Variants in FAM199X observed in about 807,000 individuals in gnomAD.
The protein encoded by FAM199X is protein FAM199X.
Under a neutral mutation model 22.9 loss-of-function variants are expected in FAM199X, and 4 were observed. The ratio of observed to expected loss-of-function variants is 0.17; its 90% CI spans 0.09 to 0.40. The LOEUF (loss-of-function observed/expected upper bound fraction) is 0.40. FAM199X is among the 10% of genes least tolerant of loss of function. The probability of loss-of-function intolerance (pLI) is 1.00; values close to 1 mark genes in which losing one functional copy is unlikely to be tolerated. For synonymous variants in FAM199X, 101 were observed against 112.3 expected, an observed-to-expected ratio of 0.90 and a Z score of 0.64; for missense variants, 183 against 306.8, an observed-to-expected ratio of 0.60 and a Z score of 3.01.
In FAM199X at chrX:104,179,123, G is replaced by A. The variant is rs143333203; in HGVS notation, c.417+3281G>A. ...CTAGTCTGGGCAACAGAGCTATTTGGGGTCCTTGCAATTCCATATGAATTT... is the reference window on the plus strand; with the variant it reads ...CTAGTCTGGGCAACAGAGCTATTTGAGGTCCTTGCAATTCCATATGAATTT... On this transcript the variant is annotated intron_variant, in intron 2 of 5. Coordinates refer to ENST00000493442, the MANE Select transcript of FAM199X (RefSeq NM_207318.4). Among the ~76,000 whole-genome samples, 1,081 of 111,692 alleles carry A rather than the reference G, an allele frequency of 9.7e-3. 12 individuals carry two copies. Among genetic ancestry groups the A allele is most frequent in the African/African-American group, 0.033 (1,025 of 30,740 alleles).
chrX:104,179,049 G>C (rs781873303), intron 2 of FAM199X, among the ~76,000 whole-genome samples: 1 of 111,916 alleles, frequency 8.9e-6, no homozygotes, highest in East Asian at 2.8e-4. Flanking sequence ...AAGATCGCTT[G>C]AGCCCTGAAG....
In FAM199X at chrX:104,194,340, A is replaced by G. The variant is rs1208379884; in HGVS notation, c.*4562A>G. 3 of 111,779 alleles carry G rather than the reference A, an allele frequency of 2.7e-5. No homozygotes were observed. In the Admixed American group the frequency reaches 2.9e-4, roughly 11 times the overall value. The allele number at this position is 111,779 out of a possible 1,213,427, so 9.2% of individuals were successfully genotyped here. ...GGGTGAAAAAGGGGAGACTTGCTCT[A>G]ATTATGCATATACATTTGACTATGT... On this transcript the variant is annotated 3_prime_UTR_variant, in exon 6 of 6. Coordinates refer to ENST00000493442, the MANE Select transcript of FAM199X (RefSeq NM_207318.4).
chrX:104,175,709 A>G lies in FAM199X; in HGVS notation c.284A>G (p.Asp95Gly). The G allele has an allele frequency of 8.3e-7, 1 of 1,211,006 alleles. No individual in the cohort carries two copies. Residue 95 changes from aspartate to glycine, a missense_variant, in exon 2 of 6, where the codon GAT (aspartate) becomes GGT (glycine). Transcript: ENST00000493442. ...LFSSVSVGDQ[D>G]DCYSLLDDQD... ...TCATCTGTGTCTGTTGGAGATCAAG[A>G]TGATTGCTATTCCCTGTTAGATGAT...
chrX:104,171,009 A>G (rs1366844755), intron 1 of FAM199X, among the ~76,000 whole-genome samples: 1 of 111,551 alleles, frequency 9.0e-6, no homozygotes, highest in Admixed American at 9.5e-5. Flanking sequence ...GAATGAATAT[A>G]TAGCATAGAC....
chrX:104,161,396 G>A, the FAM199X span, among the ~76,000 whole-genome samples: 1 of 112,210 alleles, frequency 8.9e-6, no homozygotes. Flanking sequence ...GAGGAGATAT[G>A]ACTTTCCTAA....
At chrX:104,176,830 A>G (rs912007911) in intron 2 of FAM199X, among the ~76,000 whole-genome samples, 1 of 111,541 alleles carries the variant, frequency 9.0e-6, no homozygotes, top group African/African-American at 3.3e-5. Context: ...AATTATGGCT[A>G]TTTCGGTTGG....
intron 1 of FAM199X, among the ~76,000 whole-genome samples, chrX:104,168,663 G>T (rs782062564): frequency 4.5e-5 from 5 of 111,149 alleles, no homozygotes; most frequent in Non-Finnish European, 9.4e-5. Context: ...TGCCAAAACT[G>T]GGTAGAGGTG....
rs782272073 is a variant in FAM199X at position 104,175,396 on chromosome X, T to A, written c.198-227T>A. Among the ~76,000 whole-genome samples the A allele has an allele frequency of 1.2e-4, 13 of 109,759 alleles. No individual in the cohort carries two copies. In the East Asian group the frequency reaches 3.6e-3, roughly 31 times the overall value. ...TATTCATATACGGCATCATGCTTCA[T>A]CTGTACCTCTATCCACTCCCCAACC... On this transcript the variant is annotated intron_variant, in intron 1 of 5. Transcript: ENST00000493442.
At chrX:104,161,162 AC>A in the FAM199X span, among the ~76,000 whole-genome samples, 17 of 111,824 alleles carry the variant, frequency 1.5e-4, no homozygotes, top group African/African-American at 5.2e-4. Flanking sequence ...TTAAGTGGTT[AC>A]TTTTGGTAAC....
intron 1 of FAM199X, among the ~76,000 whole-genome samples, chrX:104,167,316 C>A (rs1921234756): frequency 9.6e-6 from 1 of 104,541 alleles, no homozygotes; most frequent in African/African-American, 3.5e-5. Flanking sequence ...AGATACGCCC[C>A]TGTTTGCATC....
chrX:104,169,492 G>T (rs1556374859), intron 1 of FAM199X, among the ~76,000 whole-genome samples: 1 of 111,772 alleles, frequency 8.9e-6, no homozygotes, highest in Non-Finnish European at 1.9e-5. Context: ...TGGATTCTGG[G>T]CTATATTTGC....
intron 2 of FAM199X, among the ~76,000 whole-genome samples, chrX:104,183,718 G>A (rs1290096780): frequency 8.9e-6 from 1 of 111,819 alleles, no homozygotes; most frequent in African/African-American, 3.2e-5. Context: ...ACCCACCTCC[G>A]CCTCTCAAAG....
chrX:104,159,420 C>A, the FAM199X span, among the ~76,000 whole-genome samples: 1 of 112,575 alleles, frequency 8.9e-6, no homozygotes, highest in Non-Finnish European at 1.9e-5. Flanking sequence ...TACTGCTAAG[C>A]AAACTGGGTA....
At chrX:104,165,375 A>AC (rs782251827), upstream of FAM199X, among the ~76,000 whole-genome samples, 3 of 110,193 alleles carry the variant, frequency 2.7e-5, no homozygotes, top group Non-Finnish European at 5.7e-5. Flanking sequence ...TTTAGTGACA[A>AC]CCCCCCACTT....
At chrX:104,172,722 C>T (rs1161072070) in intron 1 of FAM199X, among the ~76,000 whole-genome samples, 1 of 106,822 alleles carries the variant, frequency 9.4e-6, no homozygotes, top group Non-Finnish European at 1.9e-5. Context: ...AGGAATGTCA[C>T]TATTACTCAT....
upstream of FAM199X, among the ~76,000 whole-genome samples, chrX:104,162,205 G>C (rs190562045): frequency 8.9e-6 from 1 of 111,927 alleles, no homozygotes; most frequent in East Asian, 2.8e-4. Flanking sequence ...CTGATTGGTT[G>C]ATACAGCTGA....
At chrX:104,179,131 G>C (rs928977041) in intron 2 of FAM199X, among the ~76,000 whole-genome samples, 8 of 111,669 alleles carry the variant, frequency 7.2e-5, no homozygotes, top group African/African-American at 2.3e-4. Flanking sequence ...TGGGGTCCTT[G>C]CAATTCCATA....
chrX:104,175,915 C>A, intron 2 of FAM199X, 73 bp downstream of exon 2: 1 of 722,546 alleles, frequency 1.4e-6, no homozygotes, highest in Non-Finnish European at 2.0e-6. Context: ...TTGATATTTT[C>A]ATCTCTACTT....
intron 2 of FAM199X, among the ~76,000 whole-genome samples, chrX:104,177,357 A>G (rs912023660): frequency 6.3e-5 from 7 of 111,907 alleles, no homozygotes; most frequent in Non-Finnish European, 1.3e-4. Flanking sequence ...TTGTTCATCC[A>G]CTCATTACCT....
Sources: allele counts gnomAD v4.1 joint callset (sites outside exome capture counted in the v4.1 genomes callset), GRCh38; gene constraint gnomAD v4.1.1; transcripts MANE v1.5; gene names NCBI Gene and HGNC (gene_info 2026-07-23, HGNC 2026-07-21).